Variants in ATRN observed in about 807,000 individuals in gnomAD.
ATRN encodes the protein attractin-2.
A neutral mutation model predicts 178.7 loss-of-function variants in ATRN; 54 were observed. The observed-to-expected ratio is 0.30, with a 90% CI of 0.24 to 0.38. The LOEUF is 0.38. Among genes scored for constraint, ATRN ranks in the 10% least tolerant of loss-of-function variants. ATRN has a pLI of 1.00. For synonymous variants in ATRN, 636 were observed against 663.0 expected (o/e 0.96, Z 0.63); for missense variants, 1,443 against 1,815.1 (o/e 0.79, Z 3.73).
rs766556081 is a variant in ATRN at position 3,646,881 on chromosome 20, A to T, written c.*34A>T. The T allele has an allele frequency of 1.9e-6, 3 of 1,611,050 alleles. No individual in the cohort carries two copies. Among genetic ancestry groups the T allele is most frequent in the Non-Finnish European group, 2.5e-6 (3 of 1,178,690 alleles). On this transcript the variant is annotated 3_prime_UTR_variant, in exon 29 of 29. Transcript: ENST00000262919. ...CCAGGGACTCTCCCACGCACGAGCT[A>T]GTGAGTGGCACACCAGAGCCATCTG...
intron 12 of ATRN, among the ~76,000 whole-genome samples, chr20:3,574,912 TGTCCAC>T (rs1312935810): frequency 6.6e-6 from 1 of 151,736 alleles, no homozygotes; most frequent in Non-Finnish European, 1.5e-5. Flanking sequence ...CCATGTGCCA[TGTCCAC>T]GAGATGGTTG....
intron 6 of ATRN, among the ~76,000 whole-genome samples, chr20:3,558,372 G>A (rs1180357047): frequency 1.3e-5 from 2 of 151,836 alleles, no homozygotes; most frequent in African/African-American, 4.8e-5. Flanking sequence ...GATTTTCAAT[G>A]GATGGACATT....
At chr20:3,557,164 T>G (rs974230699) in intron 6 of ATRN, among the ~76,000 whole-genome samples, 3 of 152,346 alleles carry the variant, frequency 2.0e-5, no homozygotes, top group Admixed American at 2.0e-4. Context: ...GCAGTCCATT[T>G]TATAAAAACA....
intron 5 of ATRN, 136 bp downstream of exon 5, chr20:3,547,625 A>G (rs2085725274): frequency 5.3e-6 from 4 of 758,432 alleles, no homozygotes; most frequent in Non-Finnish European, 8.3e-6. Context: ...AGCTTGAAAC[A>G]TCCCTCTATC....
Position 3,577,011 on chromosome 20 carries a change from G to C in ATRN, c.2353+14G>C. On this transcript the variant is annotated intron_variant, in intron 14 of 28. Transcript: ENST00000262919. ...TTGCCCTGCCCGGTAGGCCTTGCAGGGTCATCTTGGTGTGTGTGGGTCCAT... is the reference window on the plus strand; with the variant it reads ...TTGCCCTGCCCGGTAGGCCTTGCAGCGTCATCTTGGTGTGTGTGGGTCCAT... 1.9e-6 allele frequency: 3 copies of C among 1,613,158 alleles called. No individual in the cohort carries two copies. The highest frequency in any genetic ancestry group is 2.5e-6 in the Non-Finnish European group (3 of 1,179,764).
chr20:3,591,578 A>C (rs1474666309), intron 19 of ATRN, among the ~76,000 whole-genome samples: 1 of 152,196 alleles, frequency 6.6e-6, no homozygotes, highest in Non-Finnish European at 1.5e-5. Flanking sequence ...GAAAGTGCCA[A>C]CTTCCCCTGT....
At chr20:3,628,994 T>C in intron 25 of ATRN, 1 of 985,296 alleles carries the variant, frequency 1.0e-6, no homozygotes, top group Non-Finnish European at 1.2e-6. Context: ...ACCAATTCCA[T>C]CCTTCCTCAC....
chr20:3,479,736 G>A (rs1364414059), intron 1 of ATRN, among the ~76,000 whole-genome samples: 1 of 152,194 alleles, frequency 6.6e-6, no homozygotes, highest in African/African-American at 2.4e-5. Flanking sequence ...CTCTCAGGGA[G>A]GATCTGTTCC....
intron 23 of ATRN, among the ~76,000 whole-genome samples, chr20:3,601,904 TACTTA>T (rs1394314700): frequency 1.3e-5 from 2 of 150,752 alleles, no homozygotes; most frequent in Non-Finnish European, 3.0e-5. Context: ...GGATAATCAC[TACTTA>T]ACTTGATAAC....
intron 1 of ATRN, among the ~76,000 whole-genome samples, chr20:3,524,335 T>TTA (rs2085335726): frequency 6.6e-6 from 1 of 151,930 alleles, no homozygotes; most frequent in African/African-American, 2.4e-5. Context: ...TACATAATGT[T>TTA]AAAGAGATCA....
At position 3,645,913 on chromosome 20, in the gene ATRN, C is replaced by G. The variant is rs886274598; in HGVS notation, c.4166-810C>G. On this transcript the variant is annotated intron_variant, in intron 28 of 28. Transcript: ENST00000262919. The surrounding 1 kb of genome is among the most constrained non-coding windows in gnomAD (Gnocchi z 4.7). Reference sequence around the variant, plus strand: ...GAACCGTGCCTTCCCTAATGGATGTCAGATTACTCCGTTATCAATACAGGA... The same window carrying G: ...GAACCGTGCCTTCCCTAATGGATGTGAGATTACTCCGTTATCAATACAGGA... Among the ~76,000 whole-genome samples, 17 of 152,160 alleles carry G rather than the reference C, an allele frequency of 1.1e-4. No individual in the cohort carries two copies. The highest frequency in any genetic ancestry group is 4.1e-4 in the African/African-American group (17 of 41,418).
intron 1 of ATRN, among the ~76,000 whole-genome samples, chr20:3,519,197 G>A (rs1028706227): frequency 7.2e-5 from 11 of 151,954 alleles, no homozygotes; most frequent in Admixed American, 6.6e-5. Context: ...CAAGGCCAGT[G>A]TATTGCTGAA....
chr20:3,552,401 C>T (rs2085801942), intron 6 of ATRN, among the ~76,000 whole-genome samples: 1 of 143,876 alleles, frequency 7.0e-6, no homozygotes, highest in Middle Eastern at 3.5e-3. Context: ...CCACACTCAT[C>T]TTTTTCTCAA....
chr20:3,545,260 C>CA (rs1414196790), intron 3 of ATRN, among the ~76,000 whole-genome samples: 1 of 150,892 alleles, frequency 6.6e-6, no homozygotes, highest in African/African-American at 2.4e-5. Flanking sequence ...CCCAGCTACT[C>CA]AGGAGGCTGA....
At chr20:3,524,972 C>T in intron 1 of ATRN, among the ~76,000 whole-genome samples, 1 of 152,146 alleles carries the variant, frequency 6.6e-6, no homozygotes, top group South Asian at 2.1e-4. Flanking sequence ...CTAAAATCGA[C>T]ACCCTAACAT....
At chr20:3,616,878 C>G (rs1158090899) in intron 24 of ATRN, among the ~76,000 whole-genome samples, 1 of 152,084 alleles carries the variant, frequency 6.6e-6, no homozygotes, top group African/African-American at 2.4e-5. Flanking sequence ...TAGCAACTTC[C>G]TTTCCTCCTC....
rs1042622549 is a variant in ATRN, at chr20:3,632,769, C to T, written c.3864-1542C>T. Among the ~76,000 whole-genome samples, 4 of 152,210 alleles carry T rather than the reference C, an allele frequency of 2.6e-5. No homozygotes were observed. Among genetic ancestry groups the T allele is most frequent in the African/African-American group, 9.7e-5 (4 of 41,450 alleles). The stretch of plus-strand genomic sequence containing the variant: ...GTCTCCACCTGCTGGAATGTAAATT[C>T]CATGGGACAGTAATCTTTGCTCTGT... On this transcript the variant is annotated intron_variant, in intron 25 of 28. Transcript: ENST00000262919. The surrounding 1 kb of genome is among the most constrained non-coding windows in gnomAD (Gnocchi z 4.2).
chr20:3,481,363 CAG>C (rs1419695316), intron 1 of ATRN, among the ~76,000 whole-genome samples: 3 of 152,066 alleles, frequency 2.0e-5, no homozygotes, highest in Admixed American at 2.0e-4. Context: ...GTGTTTGAGA[CAG>C]GGGCTTACCC....
At position 3,565,400 on chromosome 20, in the gene ATRN, C is replaced by T; in HGVS notation, c.1839C>T (p.Asn613=). 2.5e-6 allele frequency: 4 copies of T among 1,614,108 alleles called. No homozygotes were observed. Among genetic ancestry groups the T allele is most frequent in the Non-Finnish European group, 3.4e-6 (4 of 1,179,976 alleles). Residue 613 remains asparagine, a synonymous_variant, in exon 11 of 29, where the codon AAC becomes AAT. Transcript: ENST00000262919. ...GACCTGATCTCCACCATGATGTCAA[C>T]AGATTTGGCCATTCAGCAGTCTTAC... ...LPRPDLHHDV[N]RFGHSAVLHN...
Sources: gnomAD v4.1 joint callset for allele counts (sites outside exome capture counted in the v4.1 genomes callset) on GRCh38, gnomAD v4.1.1 for gene constraint, Gnocchi (gnomAD v3.1) non-coding constraint, MANE v1.5 for transcripts, NCBI Gene and HGNC (gene_info 2026-07-23, HGNC 2026-07-21) for gene names.